The following CRYBG1 variants were observed in gnomAD, a reference collection of about 807,000 sequenced individuals.
The protein encoded by CRYBG1 is crystallin beta-gamma domain containing 1.
In CRYBG1, 139 loss-of-function variants were observed where a neutral mutation model predicts 189.2. The observed-to-expected ratio is 0.73, with a 90% CI of 0.64 to 0.85. CRYBG1 has a LOEUF of 0.85. Ranked by LOEUF, CRYBG1 falls within the 40% of genes least tolerant of loss-of-function variation. The probability of loss-of-function intolerance (pLI) is 0.00; values close to 1 mark genes in which losing one functional copy is unlikely to be tolerated. For missense variants in CRYBG1, 2,611 were observed against 2,675.8 expected (o/e 0.98, Z 0.53); for synonymous variants, 1,023 against 1,017.1 (o/e 1.01, Z -0.11).
At chr6:106,455,521 A>G (rs987942877) in intron 2 of CRYBG1, among the ~76,000 whole-genome samples, 1 of 151,806 alleles carries the variant, frequency 6.6e-6, no homozygotes, top group Admixed American at 6.6e-5. Flanking sequence ...ATATTGAGTA[A>G]TGTATTATTA....
At chr6:106,521,749 C>T (rs911795789) in intron 4 of CRYBG1, among the ~76,000 whole-genome samples, 2 of 112,116 alleles carry the variant, frequency 1.8e-5, no homozygotes, top group African/African-American at 7.2e-5. Flanking sequence ...GACAGAGTCT[C>T]GCTCTGTCGC....
chr6:106,450,357 T>C (rs1217319799), intron 1 of CRYBG1, among the ~76,000 whole-genome samples: 1 of 152,240 alleles, frequency 6.6e-6, no homozygotes, highest in Non-Finnish European at 1.5e-5. Flanking sequence ...TTTATATCCT[T>C]GCAACATTGT....
chr6:106,406,607 G>T (rs926902352), intron 1 of CRYBG1, among the ~76,000 whole-genome samples: 3 of 152,216 alleles, frequency 2.0e-5, no homozygotes, highest in African/African-American at 7.2e-5. Context: ...AGGTTGAAAT[G>T]AAGGAAAAAA....
intron 6 of CRYBG1, among the ~76,000 whole-genome samples, 171 bp downstream of exon 6, chr6:106,525,557 C>T (rs1255347467): frequency 6.6e-6 from 1 of 152,150 alleles, no homozygotes; most frequent in Non-Finnish European, 1.5e-5. Context: ...CATTTTAAAT[C>T]ATGTTTCTGA....
rs1218040680 is a variant in CRYBG1, at chr6:106,530,285, A to C, written c.4688A>C (p.Lys1563Thr). Residue 1563 changes from lysine to threonine, a missense_variant, in exon 8 of 22, where the codon AAG (lysine) becomes ACG (threonine). Lys to Thr is a moderately conservative substitution (Grantham distance 78). Coordinates refer to ENST00000633556, the MANE Select transcript of CRYBG1 (RefSeq NM_001371242.2). ...ATGCAGGGATTTGGTGTAATGCAGA[A>C]GACTTGTTCCATGAAAGTACATTGG... ...EEMQGFGVMQ[K>T]TCSMKVHWGT... The C allele has an allele frequency of 6.2e-7, 1 of 1,609,978 alleles. No homozygotes were observed. The highest frequency in any genetic ancestry group is 1.3e-5 in the African/African-American group (1 of 74,630).
intron 2 of CRYBG1, among the ~76,000 whole-genome samples, chr6:106,481,661 G>A (rs1227317645): frequency 6.6e-6 from 1 of 152,142 alleles, no homozygotes; most frequent in Non-Finnish European, 1.5e-5. Context: ...TTCCTGTTGG[G>A]GGTCAAACAA....
intron 8 of CRYBG1, among the ~76,000 whole-genome samples, chr6:106,534,272 A>G (rs978124706): frequency 2.0e-5 from 3 of 152,186 alleles, no homozygotes; most frequent in Non-Finnish European, 4.4e-5. Context: ...GGTGGTAGTT[A>G]CCAGCCTGTC....
intron 2 of CRYBG1, among the ~76,000 whole-genome samples, chr6:106,500,295 C>T (rs1582799135): frequency 6.6e-6 from 1 of 152,084 alleles, no homozygotes; most frequent in East Asian, 1.9e-4. Context: ...TAAGAATTCC[C>T]ATTCTCCACA....
At chr6:106,462,423 T>C (rs1027337563) in intron 2 of CRYBG1, among the ~76,000 whole-genome samples, 1 of 152,202 alleles carries the variant, frequency 6.6e-6, no homozygotes, top group African/African-American at 2.4e-5. Flanking sequence ...CCTCCCAAAG[T>C]GCTGGGATTA....
At chr6:106,541,681 T>C in intron 10 of CRYBG1, 60 bp downstream of exon 10, 1 of 1,139,584 alleles carries the variant, frequency 8.8e-7, no homozygotes, top group Non-Finnish European at 1.3e-6. Flanking sequence ...CATATACACA[T>C]ATATATGTAC....
At chr6:106,558,383 T>C in intron 17 of CRYBG1, 103 bp from the exon 18 acceptor site, 1 of 1,013,086 alleles carries the variant, frequency 9.9e-7, no homozygotes, top group Middle Eastern at 2.7e-4. Flanking sequence ...AGGCCAAATC[T>C]AGCAGATTTT....
rs1773598613 is a variant in CRYBG1, at chr6:106,521,150, C to T, written c.3942C>T (p.Phe1314=). The T allele has an allele frequency of 2.5e-6, 4 of 1,614,166 alleles. No homozygotes were observed. Among genetic ancestry groups the T allele is most frequent in the Admixed American group, 1.7e-5 (1 of 60,018 alleles). ...ACAACTCCTTAAAGGTCTTCAATTT[C>T]AACTCGTCAAGTACATCACACTCCA... The part of the protein sequence containing the change: ...LPDNSLKVFN[F]NSSSTSHSSL... Residue 1314 remains phenylalanine (F), a synonymous_variant, in exon 4 of 22, where the codon TTC becomes TTT. Transcript: ENST00000633556.
At chr6:106,543,136 G>C (rs914492651) in intron 10 of CRYBG1, among the ~76,000 whole-genome samples, 1 of 150,710 alleles carries the variant, frequency 6.6e-6, no homozygotes, top group African/African-American at 2.4e-5. Context: ...GAGTTCAAGC[G>C]GTTCTGCCTC....
intron 7 of CRYBG1, among the ~76,000 whole-genome samples, chr6:106,529,135 G>A (rs574457059): frequency 2.6e-5 from 4 of 151,962 alleles, no homozygotes; most frequent in Non-Finnish European, 4.4e-5. Context: ...TAGTAGAGAC[G>A]GGGTTTTGCC....
At chr6:106,506,535 C>A (rs988273704) in intron 2 of CRYBG1, among the ~76,000 whole-genome samples, 4 of 147,372 alleles carry the variant, frequency 2.7e-5, no homozygotes, top group African/African-American at 5.0e-5. Flanking sequence ...TCACTGCAAC[C>A]TCCGCCTCCT....
intron 13 of CRYBG1, among the ~76,000 whole-genome samples, chr6:106,545,610 TC>T (rs2114576643): frequency 6.6e-6 from 1 of 152,350 alleles, no homozygotes; most frequent in South Asian, 2.1e-4. Flanking sequence ...TGGGCTTTTT[TC>T]TGTGTTAACT....
chr6:106,443,626 C>A (rs574007832), intron 1 of CRYBG1, among the ~76,000 whole-genome samples: 1 of 152,274 alleles, frequency 6.6e-6, no homozygotes, highest in South Asian at 2.1e-4. Flanking sequence ...TTGATTGGAG[C>A]AGGAGGGCTC....
Position 106,426,121 on chromosome 6 carries a change from T to C in CRYBG1, c.174-25573T>C, listed in dbSNP as rs182147584. Among the ~76,000 whole-genome samples the C allele has an allele frequency of 1.1e-3, 167 of 151,860 alleles. 1 individual carries two copies. Among genetic ancestry groups the C allele is most frequent in the African/African-American group, 3.8e-3 (156 of 41,164 alleles). ...TATTCTGAGAAAACTAAATATATCA[T>C]ATAGAATCCCACACCCACCACCAAC... On this transcript the variant is annotated intron_variant, in intron 1 of 21. Coordinates refer to ENST00000633556, the MANE Select transcript of CRYBG1 (RefSeq NM_001371242.2).
At chr6:106,455,316 A>C (rs1433223358) in intron 2 of CRYBG1, among the ~76,000 whole-genome samples, 2 of 152,156 alleles carry the variant, frequency 1.3e-5, no homozygotes, top group African/African-American at 4.8e-5. Context: ...ATAAGAGTGA[A>C]TTAACATTGT....
Sources: allele counts gnomAD v4.1 joint callset (sites outside exome capture counted in the v4.1 genomes callset), GRCh38; gene constraint gnomAD v4.1.1; transcripts MANE v1.5; gene names NCBI Gene and HGNC (gene_info 2026-07-23, HGNC 2026-07-21).